POT1: variants seen among roughly 807,000 people sequenced by gnomAD.
POT1 encodes the protein protection of telomeres protein 1.
Under a neutral mutation model 78.5 loss-of-function variants are expected in POT1, and 47 were observed. The observed-to-expected ratio is 0.60, with a 90% CI of 0.47 to 0.76. POT1 has a LOEUF of 0.76. Among genes scored for constraint, POT1 ranks in the 30% least tolerant of loss-of-function variants. The probability of loss-of-function intolerance (pLI) is 0.00; values close to 1 mark genes in which losing one functional copy is unlikely to be tolerated. For missense variants in POT1, 646 were observed against 749.9 expected (o/e 0.86, Z 1.62); for synonymous variants, 259 against 260.7 (o/e 0.99, Z 0.06).
At chr7:124,860,374 C>G (rs190715167) in intron 8 of POT1, among the ~76,000 whole-genome samples, 6 of 152,148 alleles carry the variant, frequency 3.9e-5, no homozygotes, top group African/African-American at 1.4e-4. Context: ...TTATGGTCAT[C>G]CTACATAAAT....
chr7:124,920,809 T>C (rs1205246706), intron 2 of POT1, among the ~76,000 whole-genome samples: 2 of 152,068 alleles, frequency 1.3e-5, no homozygotes, highest in African/African-American at 2.4e-5. Context: ...AATGTTAAAA[T>C]TGGACAGGGG....
At chr7:124,869,822 C>T (rs1368532913) in intron 7 of POT1, among the ~76,000 whole-genome samples, 1 of 152,146 alleles carries the variant, frequency 6.6e-6, no homozygotes, top group Non-Finnish European at 1.5e-5. Flanking sequence ...CTCAGGTGAT[C>T]CGCCAGCATC....
chr7:124,897,023 A>T, intron 5 of POT1, 142 bp downstream of exon 5: 1 of 424,440 alleles, frequency 2.4e-6, no homozygotes, highest in South Asian at 8.3e-5. Flanking sequence ...ATAAAAAAGT[A>T]AAGATTATGT....
chr7:124,865,336 A>T (rs140575615), intron 7 of POT1, among the ~76,000 whole-genome samples: 1 of 151,964 alleles, frequency 6.6e-6, no homozygotes, highest in African/African-American at 2.4e-5. Flanking sequence ...TTTTTCATCA[A>T]ATTTGGGGAA....
Position 124,823,997 on chromosome 7 carries a change from T to C in POT1, c.1870A>G (p.Ile624Val), listed in dbSNP as rs1410012081. 1.2e-5 allele frequency: 19 copies of C among 1,604,416 alleles called. No homozygotes were observed. Among genetic ancestry groups the C allele is most frequent in the Non-Finnish European group, 1.6e-5 (19 of 1,172,552 alleles). ...TCTTCTGCAACTGTGGTGTCAAAAATCTGATAGCAAATTTGATTATCTGTT... is the reference window on the plus strand; with the variant it reads ...TCTTCTGCAACTGTGGTGTCAAAAACCTGATAGCAAATTTGATTATCTGTT... The part of the protein sequence containing the change: ...NGTDNQICYQ[I>V]FDTTVAEDVI Residue 624 changes from isoleucine to valine, a missense_variant, in exon 19 of 19, where the codon ATT becomes GTT. By Grantham distance (29) the Ile-to-Val change is conservative. Coordinates refer to ENST00000357628, the MANE Select transcript of POT1 (RefSeq NM_015450.3).
intron 2 of POT1, among the ~76,000 whole-genome samples, chr7:124,922,949 C>T (rs1464937077): frequency 6.6e-6 from 1 of 151,646 alleles, no homozygotes. Flanking sequence ...GCCACACTAC[C>T]ACAGGCACCC....
At position 124,822,510 on chromosome 7, in the gene POT1, T is replaced by C; in HGVS notation, c.*1452A>G. 2.2e-6 allele frequency: 1 copy of C among 454,334 alleles called. No individual in the cohort carries two copies. Among genetic ancestry groups the C allele is most frequent in the Non-Finnish European group, 4.4e-6 (1 of 225,498 alleles). 28.1% of individuals were successfully genotyped at this position (454,334 alleles called of 1,614,324 possible). A position where few individuals can be genotyped will look rare whatever the true frequency, so the allele number is the denominator to read the frequency against. ...ATCTTGCAGGCTCACAGTGTGAACA[T>C]ATGGCACCTTTGGACCTCTACTCTT... On this transcript the variant is annotated 3_prime_UTR_variant, in exon 19 of 19. Coordinates refer to ENST00000357628, the MANE Select transcript of POT1 (RefSeq NM_015450.3).
intron 14 of POT1, among the ~76,000 whole-genome samples, chr7:124,839,090 A>AT (rs1469622098): frequency 6.6e-6 from 1 of 152,262 alleles, no homozygotes; most frequent in Non-Finnish European, 1.5e-5. Flanking sequence ...GGATGGTGTG[A>AT]TATTAGGAAA....
intron 7 of POT1, among the ~76,000 whole-genome samples, chr7:124,866,940 G>A (rs961977318): frequency 1.1e-4 from 17 of 152,284 alleles, no homozygotes; most frequent in African/African-American, 4.1e-4. Context: ...TCTACTTGAT[G>A]TATATGCTGC....
chr7:124,872,645 C>G (rs1483754776), intron 6 of POT1, among the ~76,000 whole-genome samples: 1 of 152,062 alleles, frequency 6.6e-6, no homozygotes, highest in Non-Finnish European at 1.5e-5. Flanking sequence ...TAGGAGAAAA[C>G]AGTATATACA....
chr7:124,851,954 A>G lies in POT1; in HGVS notation c.870-3T>C, dbSNP rs1291756890. The G allele has an allele frequency of 5.0e-6, 8 of 1,589,584 alleles. No individual in the cohort carries two copies. The highest frequency in any genetic ancestry group is 6.0e-6 in the Non-Finnish European group (7 of 1,158,936). On this transcript the variant is annotated splice_region_variant and splice_polypyrimidine_tract_variant and intron_variant, in intron 10 of 18. Transcript: ENST00000357628. ...TCAAATTTGCAGATTCTAAATCCCT[A>G]TAATTGAAAGAATACAATTTCAAAT... is the stretch of plus-strand genomic sequence containing the variant.
chr7:124,853,167 A>G (rs1281037765), intron 9 of POT1, 29 bp from the exon 10 acceptor site: 1 of 1,490,210 alleles, frequency 6.7e-7, no homozygotes, highest in Admixed American at 2.0e-5. Flanking sequence ...GTTATTTAGA[A>G]AGTGGGGAAA....
intron 6 of POT1, among the ~76,000 whole-genome samples, chr7:124,878,989 TAAAGAG>T (rs1482642684): frequency 2.0e-5 from 3 of 151,974 alleles, no homozygotes; most frequent in Non-Finnish European, 4.4e-5. Flanking sequence ...TATTTAAAGT[TAAAGAG>T]AATCAATAAG....
rs1794535247 is a variant in POT1 at position 124,822,706 on chromosome 7, A to C, written c.*1256T>G. 7.1e-6 allele frequency: 2 copies of C among 279,780 alleles called. No homozygotes were observed. Among genetic ancestry groups the C allele is most frequent in the African/African-American group, 4.3e-5 (2 of 46,602 alleles). 17.3% of individuals were successfully genotyped at this position (279,780 alleles called of 1,614,324 possible). A position where few individuals can be genotyped will look rare whatever the true frequency, so the allele number is the denominator to read the frequency against. On this transcript the variant is annotated 3_prime_UTR_variant, in exon 19 of 19. Transcript: ENST00000357628. The stretch of plus-strand genomic sequence containing the variant: ...CTTGAAAATAAAATCAGTCTTTCTC[A>C]TTGTCTCAAACAAGCTGATAAGTCG...
chr7:124,833,226 T>C (rs1180477139), intron 15 of POT1, among the ~76,000 whole-genome samples: 1 of 152,150 alleles, frequency 6.6e-6, no homozygotes, highest in Non-Finnish European at 1.5e-5. Context: ...GGCATACACT[T>C]TCGCTTTATG....
chr7:124,827,173 A>AT, intron 17 of POT1, 41 bp downstream of exon 17: 1 of 1,171,456 alleles, frequency 8.5e-7, no homozygotes, highest in South Asian at 2.1e-5. Flanking sequence ...TTTAAATATT[A>AT]TTTTTTAATT....
intron 3 of POT1, among the ~76,000 whole-genome samples, chr7:124,914,400 T>C (rs1163161414): frequency 1.3e-5 from 2 of 152,164 alleles, no homozygotes; most frequent in Non-Finnish European, 2.9e-5. Context: ...ATGGGGACTG[T>C]CTTGAATCTG....
intron 6 of POT1, among the ~76,000 whole-genome samples, chr7:124,880,010 T>G (rs1375824411): frequency 1.3e-5 from 2 of 152,106 alleles, no homozygotes; most frequent in Non-Finnish European, 2.9e-5. Context: ...TGCAGCTGGA[T>G]TCATAAGCAT....
chr7:124,924,697 C>T (rs149871616), intron 2 of POT1, among the ~76,000 whole-genome samples: 14 of 151,954 alleles, frequency 9.2e-5, no homozygotes, highest in African/African-American at 2.9e-4. Context: ...CTGATGACAT[C>T]GATGCAAAAT....
Sources: allele counts gnomAD v4.1 joint callset (sites outside exome capture counted in the v4.1 genomes callset), GRCh38; gene constraint gnomAD v4.1.1; transcripts MANE v1.5; gene names NCBI Gene and HGNC (gene_info 2026-07-23, HGNC 2026-07-21).